Variants in ANKRD24 observed in about 807,000 individuals in gnomAD.
ANKRD24 encodes the protein ankyrin repeat domain 24, also known as ankyrin repeat domain-containing protein 24.
In ANKRD24, 109 loss-of-function variants were observed where a neutral mutation model predicts 127.8. That is an observed-to-expected ratio of 0.85 (90% CI 0.73 to 1.00). The LOEUF is 1.00. Ranked by LOEUF, ANKRD24 falls within the 50% of genes least tolerant of loss-of-function variation. The pLI, the probability that ANKRD24 is intolerant of heterozygous loss-of-function variation, is 0.00. For synonymous variants in ANKRD24, 743 were observed against 671.1 expected (o/e 1.11, Z -1.66); for missense variants, 1,648 against 1,570.2 (o/e 1.05, Z -0.84).
rs768959278 is a variant in ANKRD24 at position 4,199,949 on chromosome 19, C to G, written c.198C>G (p.Ala66=). ...ACAACGATGCACCTCGGGTGGCCGC[C>G]CTCATCGCCCGCAAGGGGCTGGTGC... is the stretch of plus-strand genomic sequence containing the variant. ...VENNDAPRVA[A]LIARKGLVPT... Residue 66 remains alanine (A), a synonymous_variant, in exon 4 of 22, where the codon GCC becomes GCG. Coordinates refer to ENST00000318934, the MANE Select transcript of ANKRD24 (RefSeq NM_001393985.1). The surrounding 1 kb of genome is among the most constrained non-coding windows in gnomAD (Gnocchi z 5.2). 7.0e-6 allele frequency: 11 copies of G among 1,564,760 alleles called. 1 individual carries two copies. In the South Asian group the frequency reaches 1.3e-4, roughly 18 times the overall value.
intron 17 of ANKRD24, 55 bp downstream of exon 17, chr19:4,216,457 G>A: frequency 6.4e-7 from 1 of 1,555,666 alleles, no homozygotes; most frequent in Admixed American, 1.9e-5. Flanking sequence ...GTTCCCTGAG[G>A]TCAGGGTGGG....
chr19:4,212,871 G>A (rs889192831), intron 15 of ANKRD24, among the ~76,000 whole-genome samples, 173 bp downstream of exon 15: 2 of 152,190 alleles, frequency 1.3e-5, no homozygotes, highest in African/African-American at 2.4e-5. Context: ...GAGGGCTTAC[G>A]CCTGTCATCC....
Position 4,198,468 on chromosome 19 carries a change from C to CCCCCGCGCCCCGCGCCCCGCGCCCCGCG in ANKRD24, c.37-1196_37-1195insCGCCCCGCGCCCCGCGCCCCGCGCCCCG, listed in dbSNP as rs1235234368. On this transcript the variant is annotated intron_variant, in intron 2 of 21. Coordinates refer to ENST00000318934, the MANE Select transcript of ANKRD24 (RefSeq NM_001393985.1). The surrounding 1 kb of genome is among the most constrained non-coding windows in gnomAD (Gnocchi z 6.1). ...CGCCTCCTCTTGGAACCCCGTGCGC[C>CCCCCGCGCCCCGCGCCCCGCGCCCCGCG]CCCCGCGCCCCGCGCCCCGGACGCC... The CCCCCGCGCCCCGCGCCCCGCGCCCCGCG allele has an allele frequency of 1.5e-5, 9 of 618,530 alleles. No homozygotes were observed. The South Asian group carries it at 1.5e-4, about 11-fold the overall frequency. 38.3% of individuals were successfully genotyped at this position (618,530 alleles called of 1,614,324 possible).
intron 2 of ANKRD24, among the ~76,000 whole-genome samples, chr19:4,196,434 G>C (rs1327929844): frequency 6.6e-6 from 1 of 152,160 alleles, no homozygotes; most frequent in Non-Finnish European, 1.5e-5. Flanking sequence ...GGAGTGCAGT[G>C]ACGCGATCTC....
chr19:4,186,680 C>G (rs1030871667), intron 2 of ANKRD24, among the ~76,000 whole-genome samples: 2 of 152,158 alleles, frequency 1.3e-5, no homozygotes, highest in African/African-American at 4.8e-5. Context: ...AATTCCTTCT[C>G]GCCGCATTGC....
intron 18 of ANKRD24, among the ~76,000 whole-genome samples, chr19:4,218,441 A>G (rs1479054450): frequency 6.6e-6 from 1 of 151,896 alleles, no homozygotes; most frequent in Non-Finnish European, 1.5e-5. Flanking sequence ...CTGGAATTAC[A>G]GGCACCTGCC....
At chr19:4,208,057 C>G (rs1271355811) in intron 10 of ANKRD24, 89 bp downstream of exon 10, 39 of 1,316,328 alleles carry the variant, frequency 3.0e-5, no homozygotes, top group Non-Finnish European at 3.9e-5. Flanking sequence ...TTCAAGGTAC[C>G]CCCGATTGGC....
At chr19:4,212,933 C>A (rs1406442438) in intron 15 of ANKRD24, among the ~76,000 whole-genome samples, 1 of 152,228 alleles carries the variant, frequency 6.6e-6, no homozygotes, top group African/African-American at 2.4e-5. Flanking sequence ...GAGATCGAGA[C>A]TGTCCTGGCC....
Position 4,217,955 on chromosome 19 carries a change from G to A in ANKRD24, c.2795G>A (p.Arg932Gln), listed in dbSNP as rs1318289774. 3.3e-6 allele frequency: 5 copies of A among 1,509,374 alleles called. No individual in the cohort carries two copies. Among genetic ancestry groups the A allele is most frequent in the African/African-American group, 2.9e-5 (2 of 69,358 alleles). The allele number at this position is 1,509,374 out of a possible 1,614,324, so 93.5% of individuals were successfully genotyped here. The change falls in exon 18 of 22, where the codon CGG becomes CAG. Residue 932 changes from arginine to glutamine, a missense_variant. Transcript: ENST00000318934. ...GAGGAGGCCCTGGAGCTGCGGGGCC[G>A]GGCAGCCAGTCTGGAGCAGGAGGTG... Reference protein sequence around the residue: ...LQEEALELRGRAASLEQEVVA... With the variant: ...LQEEALELRGQAASLEQEVVA...
chr19:4,196,141 C>T (rs1968722347), intron 2 of ANKRD24, among the ~76,000 whole-genome samples: 1 of 152,162 alleles, frequency 6.6e-6, no homozygotes, highest in Non-Finnish European at 1.5e-5. Context: ...CCTCAAATGC[C>T]CACAGTGCTT....
At chr19:4,205,374 CAG>C (rs1461292173) in intron 7 of ANKRD24, among the ~76,000 whole-genome samples, 7 of 152,342 alleles carry the variant, frequency 4.6e-5, no homozygotes, top group South Asian at 2.1e-4. Context: ...GGTATTCAAA[CAG>C]AGTTTGTTGA....
In ANKRD24 at chr19:4,215,980, C is replaced by T. The variant is rs372806236; in HGVS notation, c.1200C>T (p.Asn400=). The T allele has an allele frequency of 1.0e-5, 16 of 1,588,444 alleles. No individual in the cohort carries two copies. The African/African-American group carries it at 1.5e-4, about 15-fold the overall frequency. Residue 400 remains asparagine, a splice_region_variant and synonymous_variant, in exon 16 of 22, where the codon AAC becomes AAT. Transcript: ENST00000318934. ...TGGACTCTGCTCCCTCCCCCCAGAACGAGCGGGAGAATACTAGCTATGACG... is the reference window on the plus strand; with the variant it reads ...TGGACTCTGCTCCCTCCCCCCAGAATGAGCGGGAGAATACTAGCTATGACG... ...SLQSRLSLLE[N]ERENTSYDVT...
intron 2 of ANKRD24, among the ~76,000 whole-genome samples, chr19:4,193,321 C>T (rs1968494177): frequency 7.4e-6 from 1 of 134,310 alleles, no homozygotes; most frequent in African/African-American, 2.8e-5. Flanking sequence ...AAAAAGACAA[C>T]AATGAAGGAA....
At chr19:4,203,428 C>T (rs576566682) in intron 7 of ANKRD24, among the ~76,000 whole-genome samples, 2 of 152,154 alleles carry the variant, frequency 1.3e-5, no homozygotes, top group South Asian at 2.1e-4. Context: ...CTCACTGCAT[C>T]CTTGACCTCC....
chr19:4,213,722 C>G (rs1188217811), intron 15 of ANKRD24, among the ~76,000 whole-genome samples: 1 of 152,130 alleles, frequency 6.6e-6, no homozygotes, highest in African/African-American at 2.4e-5. Context: ...CCTCCGCCTC[C>G]CTGGTTCAAG....
chr19:4,212,068 C>T (rs1262398708), intron 13 of ANKRD24, among the ~76,000 whole-genome samples: 5 of 152,014 alleles, frequency 3.3e-5, no homozygotes, highest in South Asian at 2.1e-4. Flanking sequence ...GGCCTGTTGG[C>T]GGGCGCCTGT....
chr19:4,218,363 G>T (rs1312795498), intron 18 of ANKRD24, among the ~76,000 whole-genome samples, 200 bp downstream of exon 18: 1 of 151,614 alleles, frequency 6.6e-6, no homozygotes, highest in Non-Finnish European at 1.5e-5. Flanking sequence ...GTAGTGGTGT[G>T]ATCTCAGCTC....
Position 4,218,042 on chromosome 19 carries a change from G to C in ANKRD24, c.2882G>C (p.Ser961Thr). 1.9e-6 allele frequency: 3 copies of C among 1,560,410 alleles called. No homozygotes were observed. The highest frequency in any genetic ancestry group is 2.6e-6 in the Non-Finnish European group (3 of 1,157,934). Residue 961 changes from serine to threonine, a missense_variant, in exon 18 of 22, where the codon AGC becomes ACC. Ser to Thr is a moderately conservative substitution (Grantham distance 58). Coordinates refer to ENST00000318934, the MANE Select transcript of ANKRD24 (RefSeq NM_001393985.1). The stretch of plus-strand genomic sequence containing the variant: ...GAGCTGGAGCGGGAGCGTGTGTGCA[G>C]CGTGGCGCTCTCGGAGCACGAACGC... ...RAELERERVC[S>T]VALSEHERIV...
At position 4,195,169 on chromosome 19, in the gene ANKRD24, T is replaced by C. The variant is rs964735303; in HGVS notation, c.37-4514T>C. Among the ~76,000 whole-genome samples, 3 of 151,364 alleles carry C rather than the reference T, an allele frequency of 2.0e-5. No individual in the cohort carries two copies. Among genetic ancestry groups the C allele is most frequent in the Non-Finnish European group, 4.4e-5 (3 of 67,646 alleles). Reference sequence around the variant, plus strand: ...CTCACTGCAAGCTCCGCCTCCCGGGTGCACGCCATTCTCCTGCCTCAGTCT... The same window carrying C: ...CTCACTGCAAGCTCCGCCTCCCGGGCGCACGCCATTCTCCTGCCTCAGTCT... On this transcript the variant is annotated intron_variant, in intron 2 of 21. Coordinates refer to ENST00000318934, the MANE Select transcript of ANKRD24 (RefSeq NM_001393985.1). The surrounding 1 kb of genome is among the most constrained non-coding windows in gnomAD (Gnocchi z 4.2).
Sources: allele counts gnomAD v4.1 joint callset (sites outside exome capture counted in the v4.1 genomes callset), GRCh38; gene constraint gnomAD v4.1.1; non-coding constraint Gnocchi (gnomAD v3.1); transcripts MANE v1.5; gene names NCBI Gene and HGNC (gene_info 2026-07-23, HGNC 2026-07-21).